Variants in XKR5 observed in about 807,000 individuals in gnomAD.
XKR5 encodes XK-related protein 5.
In XKR5, 46 loss-of-function variants were observed where a neutral mutation model predicts 40.8. The observed-to-expected ratio is 1.13, with a 90% CI of 0.89 to 1.44. XKR5 has a LOEUF of 1.44. Ranked by LOEUF, XKR5 falls within the 40% of genes most tolerant of loss-of-function variation. XKR5 has a pLI of 0.00. For synonymous variants in XKR5, 466 were observed against 356.1 expected (o/e 1.31, Z -3.48); for missense variants, 1,169 against 844.7 (o/e 1.38, Z -4.76).
chr8:6,834,187 A>G (rs1804896522), intron 1 of XKR5, among the ~76,000 whole-genome samples: 1 of 152,210 alleles, frequency 6.6e-6, no homozygotes, highest in Admixed American at 6.5e-5. Context: ...GAGGCACCGC[A>G]CACAGGCATC....
intron 5 of XKR5, among the ~76,000 whole-genome samples, chr8:6,819,113 T>G (rs192840864): frequency 6.6e-6 from 1 of 152,334 alleles, no homozygotes; most frequent in African/African-American, 2.4e-5. Context: ...CACTCTCCAG[T>G]GGCCCAGGAA....
intron 5 of XKR5, among the ~76,000 whole-genome samples, chr8:6,821,487 A>G (rs1156745874): frequency 6.6e-6 from 1 of 152,214 alleles, no homozygotes; most frequent in East Asian, 1.9e-4. Flanking sequence ...GATACTCTCT[A>G]GGGCCATGCC....
intron 5 of XKR5, among the ~76,000 whole-genome samples, chr8:6,817,752 T>A (rs1563351290): frequency 1.3e-5 from 2 of 152,202 alleles, no homozygotes; most frequent in Admixed American, 1.3e-4. Context: ...ATATACATCC[T>A]CTATTACCCA....
intron 3 of XKR5, among the ~76,000 whole-genome samples, chr8:6,824,356 G>GGAGGGA (rs892609472): frequency 2.7e-4 from 41 of 152,112 alleles, no homozygotes; most frequent in East Asian, 1.2e-3. Context: ...GGGGATAGCA[G>GGAGGGA]GAGGGAGAGG....
rs577330621 is a variant in XKR5, at chr8:6,808,638, G to A, written c.*2560C>T. On this transcript the variant is annotated 3_prime_UTR_variant, in exon 7 of 7. Coordinates refer to ENST00000618742, the MANE Select transcript of XKR5 (RefSeq NM_207411.5). Reference sequence around the variant, plus strand: ...ATGAAGTGAGGAAGCCATCTGAGAAGCCGATGTTGGTCCACAGGGCCTCGA... The same window carrying A: ...ATGAAGTGAGGAAGCCATCTGAGAAACCGATGTTGGTCCACAGGGCCTCGA... 2 of 152,310 alleles carry A rather than the reference G, an allele frequency of 1.3e-5. No homozygotes were observed. Among genetic ancestry groups the A allele is most frequent in the South Asian group, 4.1e-4 (2 of 4,826 alleles). 9.4% of individuals were successfully genotyped at this position (152,310 alleles called of 1,614,324 possible).
chr8:6,822,901 G>A (rs565470013), intron 4 of XKR5, among the ~76,000 whole-genome samples: 25 of 152,348 alleles, frequency 1.6e-4, no homozygotes, highest in African/African-American at 5.5e-4. Context: ...TGCACTTTTG[G>A]AAGCTATGTG....
chr8:6,814,678 G>A (rs1803879770), intron 6 of XKR5, among the ~76,000 whole-genome samples: 1 of 152,218 alleles, frequency 6.6e-6, no homozygotes, highest in African/African-American at 2.4e-5. Context: ...TAAAAAGTTT[G>A]ATTTGAAAAA....
At position 6,808,661 on chromosome 8, in the gene XKR5, C is replaced by G. The variant is rs1189814673; in HGVS notation, c.*2537G>C. ...AAGCCGATGTTGGTCCACAGGGCCT[C>G]GAACAGCAAGTACATGCCTTGATTT... On this transcript the variant is annotated 3_prime_UTR_variant, in exon 7 of 7. Coordinates refer to ENST00000618742, the MANE Select transcript of XKR5 (RefSeq NM_207411.5). 1 of 152,134 alleles carries G rather than the reference C, an allele frequency of 6.6e-6. No homozygotes were observed. The highest frequency in any genetic ancestry group is 6.5e-5 in the Admixed American group (1 of 15,276). The allele number at this position is 152,134 out of a possible 1,614,324, so 9.4% of individuals were successfully genotyped here. A position where few individuals can be genotyped will look rare whatever the true frequency, so the allele number is the denominator to read the frequency against.
intron 1 of XKR5, among the ~76,000 whole-genome samples, chr8:6,834,394 C>G (rs1049064646): frequency 2.8e-4 from 43 of 152,226 alleles, no homozygotes; most frequent in African/African-American, 1.0e-3. Flanking sequence ...CCCCGAGCGT[C>G]CTGCGGCAGC....
Position 6,823,563 on chromosome 8 carries a change from G to C in XKR5, c.595C>G (p.Leu199Val), listed in dbSNP as rs777417557. Reference sequence around the variant, plus strand: ...CAAAAGTGGTAGGCTTTGTAGAACAGAACCAGACTCAGCACGCGGGTTCCC... The same window carrying C: ...CAAAAGTGGTAGGCTTTGTAGAACACAACCAGACTCAGCACGCGGGTTCCC... ...MLGTRVLSLV[L>V]FYKAYHFWVF... The change falls in exon 4 of 7, where the codon CTG becomes GTG. Residue 199 changes from leucine (L) to valine (V), a missense_variant. Leu to Val is a conservative substitution (Grantham distance 32, BLOSUM62 1). Coordinates refer to ENST00000618742, the MANE Select transcript of XKR5 (RefSeq NM_207411.5). 8.8e-6 allele frequency: 14 copies of C among 1,596,712 alleles called. No homozygotes were observed. Among genetic ancestry groups the C allele is most frequent in the Non-Finnish European group, 1.2e-5 (14 of 1,171,646 alleles).
At chr8:6,824,842 A>C (rs375696144) in intron 3 of XKR5, among the ~76,000 whole-genome samples, 4 of 152,174 alleles carry the variant, frequency 2.6e-5, no homozygotes, top group African/African-American at 9.7e-5. Flanking sequence ...CTAATGATTA[A>C]AGACACAAGA....
Position 6,811,830 on chromosome 8 carries a change from C to G in XKR5, c.1429G>C (p.Ala477Pro). The change falls in exon 7 of 7, where the codon GCA becomes CCA. Residue 477 changes from alanine to proline, a missense_variant. By Grantham distance (27) the Ala-to-Pro change is conservative (BLOSUM62 -1). Transcript: ENST00000618742. ...GAGGTTTCCAATGGGTCGGCCTCTG[C>G]TTTAGGGACACCTTCAAACGCAGAG... is the stretch of plus-strand genomic sequence containing the variant. ...NSSAFEGVPK[A>P]EADPLETSSY... 6.5e-7 allele frequency: 1 copy of G among 1,537,658 alleles called. No individual in the cohort carries two copies. The highest frequency in any genetic ancestry group is 1.2e-5 in the South Asian group (1 of 84,064).
rs559264718 is a variant in XKR5, at chr8:6,829,987, G to A, written c.242+2730C>T. Among the ~76,000 whole-genome samples the A allele has an allele frequency of 1.3e-4, 19 of 151,874 alleles. No homozygotes were observed. The East Asian group carries it at 3.3e-3, about 26-fold the overall frequency. The stretch of plus-strand genomic sequence containing the variant: ...CAAGTAGCTGGGACTACAGGCGCCC[G>A]CCACCACGCCCGGCTAATTTTTTGT... On this transcript the variant is annotated intron_variant, in intron 2 of 6. Coordinates refer to ENST00000618742, the MANE Select transcript of XKR5 (RefSeq NM_207411.5).
At chr8:6,835,336 G>T in intron 1 of XKR5, 100 bp downstream of exon 1, 1 of 1,224,092 alleles carries the variant, frequency 8.2e-7, no homozygotes, top group Non-Finnish European at 1.1e-6. Flanking sequence ...CGCAGGCTGG[G>T]GCAGTGCCCG....
intron 6 of XKR5, 133 bp downstream of exon 6, chr8:6,815,674 A>G: frequency 3.2e-6 from 2 of 627,560 alleles, no homozygotes; most frequent in Admixed American, 2.6e-5. Context: ...TGCCCCCCAC[A>G]TCGCAGTGAG....
rs536136130 is a variant in XKR5, at chr8:6,811,483, G to A, written c.1776C>T (p.Pro592=). Residue 592 remains proline (P), a synonymous_variant, in exon 7 of 7, where the codon CCC becomes CCT. Coordinates refer to ENST00000618742, the MANE Select transcript of XKR5 (RefSeq NM_207411.5). The part of the protein sequence containing the change: ...SPHPVGLAPF[P]DTMADISPIL... ...TGGGGCTAATGTCGGCCATGGTGTC[G>A]GGGAAGGGCGCCAAGCCCACTGGGT... 6.2e-5 allele frequency: 94 copies of A among 1,528,008 alleles called. No homozygotes were observed. In the African/African-American group the frequency reaches 6.3e-4, roughly 10 times the overall value. 94.7% of individuals were successfully genotyped at this position (1,528,008 alleles called of 1,614,324 possible).
Position 6,811,214 on chromosome 8 carries a change from G to T in XKR5, c.2045C>A (p.Pro682Gln). Residue 682 changes from proline to glutamine, a missense_variant, in exon 7 of 7, where the codon CCG (proline) becomes CAG (glutamine). By Grantham distance (76) the Pro-to-Gln change is moderately conservative (BLOSUM62 -1). Transcript: ENST00000618742. ...CSCREQMKQE[P>Q]SFFI ...TGACTGTGGTCAGATGAAAAAACTC[G>T]GCTCTTGCTTCATCTGTTCCCTGCA... 1.3e-6 allele frequency: 2 copies of T among 1,535,340 alleles called. No homozygotes were observed. The highest frequency in any genetic ancestry group is 2.4e-5 in the South Asian group (2 of 83,946).
intron 5 of XKR5, among the ~76,000 whole-genome samples, chr8:6,818,704 G>A (rs551736400): frequency 5.9e-5 from 9 of 152,292 alleles, no homozygotes; most frequent in Admixed American, 5.2e-4. Context: ...CAGAATCTCT[G>A]AGGGGGAGCC....
intron 2 of XKR5, among the ~76,000 whole-genome samples, chr8:6,826,230 CATAT>C (rs1052153843): frequency 7.2e-5 from 11 of 151,920 alleles, no homozygotes; most frequent in African/African-American, 2.2e-4. Flanking sequence ...TATGTGCTTG[CATAT>C]ATATAGTGTG....
Sources: gnomAD v4.1 joint callset for allele counts (sites outside exome capture counted in the v4.1 genomes callset) on GRCh38, gnomAD v4.1.1 for gene constraint, MANE v1.5 for transcripts, NCBI Gene and HGNC (gene_info 2026-07-23, HGNC 2026-07-21) for gene names.